CNTNAP2: variants seen among roughly 807,000 people sequenced by gnomAD.
CNTNAP2 encodes contactin-associated protein-like 2.
CNTNAP2 carries 98 observed loss-of-function variants against 155.2 expected under a neutral mutation model. The observed-to-expected ratio is 0.63, with a 90% CI of 0.54 to 0.75. CNTNAP2 has a LOEUF of 0.75. Among genes scored for constraint, CNTNAP2 ranks in the 30% least tolerant of loss-of-function variants. The pLI, the probability that CNTNAP2 is intolerant of heterozygous loss-of-function variation, is 0.00. For synonymous variants in CNTNAP2, 651 were observed against 631.2 expected (o/e 1.03, Z -0.47); for missense variants, 1,727 against 1,688.1 (o/e 1.02, Z -0.40).
rs117132450 is a variant in CNTNAP2 at position 147,445,555 on chromosome 7, G to A, written c.1671-40380G>A. On this transcript the variant is annotated intron_variant, in intron 10 of 23. Transcript: ENST00000361727. ...ACTTAGCACTGTTTTGAGGATAAAG[G>A]TGTTAGAACACTGCTTGACACAAAG... 3.2e-4 allele frequency among the ~76,000 whole-genome samples: 48 copies of A among 152,290 alleles called. 1 individual carries two copies. The East Asian group carries it at 8.1e-3, about 26-fold the overall frequency.
At chr7:147,366,961 C>T (rs922383715) in intron 9 of CNTNAP2, among the ~76,000 whole-genome samples, 3 of 152,006 alleles carry the variant, frequency 2.0e-5, no homozygotes, top group Admixed American at 6.6e-5. Context: ...TCCTAATTGT[C>T]GGCCAAAGAA....
chr7:147,800,246 G>A (rs1797963125), intron 13 of CNTNAP2, among the ~76,000 whole-genome samples: 1 of 152,086 alleles, frequency 6.6e-6, no homozygotes, highest in Admixed American at 6.5e-5. Flanking sequence ...ATCGTTGAGG[G>A]AAGATTTGAT....
In CNTNAP2 at chr7:146,912,221, G is replaced by A. The variant is rs1405697906; in HGVS notation, c.402+72317G>A. Among the ~76,000 whole-genome samples, 3 of 150,068 alleles carry A rather than the reference G, an allele frequency of 2.0e-5. No individual in the cohort carries two copies. In the South Asian group the frequency reaches 6.5e-4, roughly 32 times the overall value. ...TAAATTTTCTTAAAATAGACTATTA[G>A]GATGCAGATGTTCTTGCTGACAGGT... On this transcript the variant is annotated intron_variant, in intron 3 of 23. Coordinates refer to ENST00000361727, the MANE Select transcript of CNTNAP2 (RefSeq NM_014141.6).
chr7:147,363,291 G>A (rs1386977466), intron 9 of CNTNAP2, among the ~76,000 whole-genome samples: 2 of 152,144 alleles, frequency 1.3e-5, no homozygotes, highest in African/African-American at 4.8e-5. Flanking sequence ...TCCTGACACT[G>A]GATCTGCCAC....
intron 3 of CNTNAP2, among the ~76,000 whole-genome samples, chr7:146,966,246 A>T (rs963362171): frequency 6.6e-6 from 1 of 152,244 alleles, no homozygotes; most frequent in African/African-American, 2.4e-5. Context: ...TGGTAGCATG[A>T]TTGGGAAAAT....
chr7:146,873,638 T>C (rs1269398160), intron 3 of CNTNAP2, among the ~76,000 whole-genome samples: 1 of 151,968 alleles, frequency 6.6e-6, no homozygotes, highest in Non-Finnish European at 1.5e-5. Flanking sequence ...ATGGGGTGTA[T>C]GAGAAGAATA....
At chr7:146,708,098 T>TA (rs879660915) in intron 1 of CNTNAP2, among the ~76,000 whole-genome samples, 10 of 152,116 alleles carry the variant, frequency 6.6e-5, no homozygotes, top group Non-Finnish European at 1.3e-4. Context: ...CAAGACTCTA[T>TA]AAAAAATACC....
chr7:148,293,253 AG>A (rs1428487304), intron 21 of CNTNAP2, among the ~76,000 whole-genome samples: 4 of 152,208 alleles, frequency 2.6e-5, no homozygotes, highest in African/African-American at 9.6e-5. Context: ...GAGACACTGA[AG>A]GTAGCATGAA....
intron 9 of CNTNAP2, among the ~76,000 whole-genome samples, chr7:147,370,553 A>G (rs1171704301): frequency 6.6e-6 from 1 of 152,224 alleles, no homozygotes; most frequent in Non-Finnish European, 1.5e-5. Flanking sequence ...GCTACAAACC[A>G]GGATGTGTTT....
intron 1 of CNTNAP2, among the ~76,000 whole-genome samples, chr7:146,561,575 C>T (rs572182123): frequency 1.4e-3 from 212 of 152,240 alleles, no homozygotes; most frequent in African/African-American, 4.6e-3. Flanking sequence ...GGGAGCGTCG[C>T]TTGACCTAGG....
At chr7:148,162,691 T>A (rs566727993) in intron 17 of CNTNAP2, among the ~76,000 whole-genome samples, 2 of 152,338 alleles carry the variant, frequency 1.3e-5, no homozygotes, top group East Asian at 3.9e-4. Flanking sequence ...CAGCCATCCT[T>A]GTAGCTTTAG....
chr7:148,129,975 C>T (rs1472833311), intron 16 of CNTNAP2, among the ~76,000 whole-genome samples: 3 of 152,196 alleles, frequency 2.0e-5, no homozygotes, highest in Admixed American at 1.3e-4. Context: ...TATATGCTTT[C>T]ACCAAACGTA....
At chr7:147,603,915 C>T (rs1429309175) in intron 12 of CNTNAP2, among the ~76,000 whole-genome samples, 1 of 151,812 alleles carries the variant, frequency 6.6e-6, no homozygotes, top group Middle Eastern at 3.2e-3. Flanking sequence ...AGAAATAACG[C>T]CGCATATCTA....
intron 1 of CNTNAP2, among the ~76,000 whole-genome samples, chr7:146,182,229 C>T (rs796421506): frequency 5.9e-5 from 9 of 152,132 alleles, no homozygotes; most frequent in African/African-American, 1.9e-4. Flanking sequence ...ATTCTAGAGA[C>T]AAGAGAATCT....
chr7:148,077,060 C>G (rs917677829), intron 15 of CNTNAP2, among the ~76,000 whole-genome samples: 8 of 152,078 alleles, frequency 5.3e-5, no homozygotes, highest in Non-Finnish European at 8.8e-5. Flanking sequence ...GTAATCCCAG[C>G]ACTTTGGGAG....
At chr7:147,222,811 G>GTTTTT (rs35654327) in intron 8 of CNTNAP2, among the ~76,000 whole-genome samples, 5 of 81,898 alleles carry the variant, frequency 6.1e-5, no homozygotes, top group Non-Finnish European at 9.5e-5. Context: ...GTTTCTCAGG[G>GTTTTT]TTTTTTTTTT....
intron 11 of CNTNAP2, among the ~76,000 whole-genome samples, chr7:147,520,656 C>T (rs1426274715): frequency 6.6e-6 from 1 of 152,188 alleles, no homozygotes; most frequent in Non-Finnish European, 1.5e-5. Flanking sequence ...GAGAAGATGA[C>T]ATAGGCCTAC....
intron 3 of CNTNAP2, among the ~76,000 whole-genome samples, chr7:146,933,010 G>T (rs1460502576): frequency 2.0e-5 from 3 of 152,028 alleles, no homozygotes; most frequent in African/African-American, 7.2e-5. Context: ...TGGCCATACT[G>T]CCCAAGGTAA....
chr7:148,200,088 A>T (rs1795343464), intron 18 of CNTNAP2, among the ~76,000 whole-genome samples: 1 of 152,108 alleles, frequency 6.6e-6, no homozygotes, highest in African/African-American at 2.4e-5. Flanking sequence ...GACAATTATG[A>T]TCCTCTCTAT....
Sources: allele counts gnomAD v4.1 joint callset (sites outside exome capture counted in the v4.1 genomes callset), GRCh38; gene constraint gnomAD v4.1.1; transcripts MANE v1.5; gene names NCBI Gene and HGNC (gene_info 2026-07-23, HGNC 2026-07-21).